The following RBFOX1 variants were observed in gnomAD, a reference collection of about 807,000 sequenced individuals.
The protein encoded by RBFOX1 is RNA binding fox-1 homolog 1.
A neutral mutation model predicts 57.7 loss-of-function variants in RBFOX1; 8 were observed. The observed-to-expected ratio is 0.14, with a 90% confidence interval of 0.08 to 0.25. The LOEUF (loss-of-function observed/expected upper bound fraction) is 0.25. Ranked by LOEUF, RBFOX1 falls within the 10% of genes least tolerant of loss-of-function variation. RBFOX1 has a pLI of 1.00. For synonymous variants in RBFOX1, 326 were observed against 222.4 expected, an observed-to-expected ratio of 1.47 and a Z score of -4.15; for missense variants, 611 against 548.5, an observed-to-expected ratio of 1.11 and a Z score of -1.14.
At chr16:6,992,435 C>G (rs1043592954) in intron 3 of RBFOX1, among the ~76,000 whole-genome samples, 2 of 152,074 alleles carry the variant, frequency 1.3e-5, no homozygotes, top group Non-Finnish European at 2.9e-5. Context: ...CCAGGCTGGT[C>G]TTGAACTCTT....
chr16:5,883,932 A>G (rs1015895431), intron 4 of RBFOX1, among the ~76,000 whole-genome samples: 4 of 152,214 alleles, frequency 2.6e-5, no homozygotes, highest in Non-Finnish European at 4.4e-5. Context: ...TGATTGGAAG[A>G]AATGAGGATA....
intron 4 of RBFOX1, among the ~76,000 whole-genome samples, chr16:7,140,838 C>T (rs1307339877): frequency 1.3e-5 from 2 of 152,156 alleles, no homozygotes; most frequent in South Asian, 2.1e-4. Context: ...CACCTCTTGG[C>T]GGACTCCAGG....
chr16:7,372,042 A>G (rs1210821869), intron 4 of RBFOX1, among the ~76,000 whole-genome samples: 1 of 152,074 alleles, frequency 6.6e-6, no homozygotes, highest in East Asian at 1.9e-4. Flanking sequence ...TAAATAAAAC[A>G]TATATATGGG....
intron 4 of RBFOX1, among the ~76,000 whole-genome samples, chr16:7,172,936 C>G (rs2080986279): frequency 6.6e-6 from 1 of 152,106 alleles, no homozygotes; most frequent in Admixed American, 6.6e-5. Flanking sequence ...GAGCAGTTAA[C>G]TACAAAACTA....
intron 1 of RBFOX1, among the ~76,000 whole-genome samples, chr16:6,286,299 A>G (rs1028596171): frequency 1.3e-5 from 2 of 152,310 alleles, no homozygotes; most frequent in African/African-American, 2.4e-5. Context: ...ACATTCCCAG[A>G]CAGTGAGAAA....
At chr16:5,359,448 C>G (rs901966379) in intron 1 of RBFOX1, among the ~76,000 whole-genome samples, 2 of 152,148 alleles carry the variant, frequency 1.3e-5, no homozygotes, top group African/African-American at 4.8e-5. Flanking sequence ...ACACGAGTTC[C>G]TTTTCTCCAC....
chr16:7,652,038 G>C (rs1036924012), intron 11 of RBFOX1, among the ~76,000 whole-genome samples: 1 of 152,030 alleles, frequency 6.6e-6, no homozygotes, highest in African/African-American at 2.4e-5. Context: ...ATCCCAGGTA[G>C]AGGAAACAGT....
chr16:6,233,038 T>G (rs1169017100), intron 1 of RBFOX1, among the ~76,000 whole-genome samples: 1 of 152,144 alleles, frequency 6.6e-6, no homozygotes, highest in African/African-American at 2.4e-5. Context: ...CTCATCACTA[T>G]GTAGGCCCCG....
At chr16:7,216,922 A>G (rs1236451567) in intron 4 of RBFOX1, among the ~76,000 whole-genome samples, 2 of 152,004 alleles carry the variant, frequency 1.3e-5, no homozygotes, top group Admixed American at 6.6e-5. Flanking sequence ...ACCCAAGGAA[A>G]CAAAGTCAGA....
intron 3 of RBFOX1, among the ~76,000 whole-genome samples, chr16:6,974,336 C>CTTTTTTTTTTTT (rs59299498): frequency 1.4e-4 from 8 of 58,664 alleles, no homozygotes; most frequent in African/African-American, 3.2e-4. Context: ...TTTTCTTTTT[C>CTTTTTTTTTTTT]TTTTTTTTTT....
chr16:5,916,930 G>T (rs955422606), intron 4 of RBFOX1, among the ~76,000 whole-genome samples: 1 of 152,248 alleles, frequency 6.6e-6, no homozygotes, highest in Middle Eastern at 3.4e-3. Context: ...TCAGCTGTGC[G>T]CAGGACGAGC....
chr16:5,874,984 G>A (rs140816088), intron 4 of RBFOX1, among the ~76,000 whole-genome samples: 156 of 152,254 alleles, frequency 1.0e-3, no homozygotes, highest in Non-Finnish European at 1.9e-3. Flanking sequence ...GGAGAATAGA[G>A]GCAGAACTAG....
chr16:7,036,985 C>G (rs977300509), intron 3 of RBFOX1, among the ~76,000 whole-genome samples: 1 of 152,100 alleles, frequency 6.6e-6, no homozygotes, highest in Admixed American at 6.5e-5. Context: ...GGGTAACTTC[C>G]TGACGTTGCC....
At chr16:5,999,907 AGAGTG>A (rs372489195) in intron 4 of RBFOX1, among the ~76,000 whole-genome samples, 13 of 23,344 alleles carry the variant, frequency 5.6e-4, no homozygotes, top group Non-Finnish European at 8.2e-4. Context: ...AAAAAAAAAA[AGAGTG>A]AAGAAGGGAA....
intron 5 of RBFOX1, among the ~76,000 whole-genome samples, chr16:7,554,161 TG>T (rs1382214776): frequency 6.6e-6 from 1 of 152,190 alleles, no homozygotes; most frequent in Non-Finnish European, 1.5e-5. Context: ...AAAGCTTAGT[TG>T]GGCTGATGGG....
chr16:6,815,067 C>T (rs139686598), intron 3 of RBFOX1, among the ~76,000 whole-genome samples: 60 of 152,196 alleles, frequency 3.9e-4, no homozygotes, highest in East Asian at 1.2e-3. Flanking sequence ...TCCCGGAAAG[C>T]GGTAGGCAAT....
At chr16:5,445,869 C>T (rs1003557186) in intron 1 of RBFOX1, among the ~76,000 whole-genome samples, 7 of 152,222 alleles carry the variant, frequency 4.6e-5, no homozygotes, top group African/African-American at 1.7e-4. Context: ...AATAAAACAT[C>T]TTTCCTCAGG....
intron 14 of RBFOX1, among the ~76,000 whole-genome samples, chr16:7,693,854 TAAG>T (rs1187672609): frequency 6.6e-6 from 1 of 152,218 alleles, no homozygotes; most frequent in Non-Finnish European, 1.5e-5. Context: ...CTCTGTCTTA[TAAG>T]AAGGGGATCT....
chr16:6,108,532 T>A (rs2096408599), intron 1 of RBFOX1, among the ~76,000 whole-genome samples: 1 of 152,162 alleles, frequency 6.6e-6, no homozygotes, highest in Admixed American at 6.5e-5. Context: ...ATAGCAGAAG[T>A]TGGGATGGAT....
Sources: allele counts gnomAD v4.1 joint callset (sites outside exome capture counted in the v4.1 genomes callset), GRCh38; gene constraint gnomAD v4.1.1; transcripts MANE v1.5; gene names NCBI Gene and HGNC (gene_info 2026-07-23, HGNC 2026-07-21).